Variants in ANO2 observed in about 807,000 individuals in gnomAD.
ANO2 encodes the protein anoctamin-2.
A neutral mutation model predicts 124.2 loss-of-function variants in ANO2; 101 were observed. The ratio of observed to expected loss-of-function variants is 0.81; its 90% confidence interval spans 0.69 to 0.96. The LOEUF (loss-of-function observed/expected upper bound fraction) is 0.96, where lower values mean the gene tolerates loss of function less well. ANO2 is among the 40% of genes least tolerant of loss of function. The probability of loss-of-function intolerance (pLI) is 0.00; values close to 1 mark genes in which losing one functional copy is unlikely to be tolerated. For missense variants in ANO2, 1,293 were observed against 1,274.5 expected (o/e 1.01, Z -0.22); for synonymous variants, 486 against 482.5 (o/e 1.01, Z -0.09).
intron 20 of ANO2, among the ~76,000 whole-genome samples, chr12:5,596,730 A>T (rs1333726940): frequency 6.6e-6 from 1 of 152,128 alleles, no homozygotes; most frequent in African/African-American, 2.4e-5. Context: ...CATGGCCCTG[A>T]CAAAGTAGAG....
At position 5,665,791 on chromosome 12, in the gene ANO2, G is replaced by T. The variant is rs112552877; in HGVS notation, c.1546-17990C>A. Among the ~76,000 whole-genome samples the T allele has an allele frequency of 3.9e-3, 582 of 151,052 alleles. 5 individuals carry two copies. Among genetic ancestry groups the T allele is most frequent in the African/African-American group, 0.014 (561 of 41,026 alleles). On this transcript the variant is annotated intron_variant, in intron 14 of 24. Coordinates refer to ENST00000682330, the MANE Select transcript of ANO2 (RefSeq NM_001364791.2). ...CCCTGACTCACTGCATGGTTGGGGA[G>T]TGACGGCCAGGGAATCCACAGCCTC... is the stretch of plus-strand genomic sequence containing the variant.
At chr12:5,754,661 C>A (rs1160015111) in intron 10 of ANO2, among the ~76,000 whole-genome samples, 3 of 152,086 alleles carry the variant, frequency 2.0e-5, no homozygotes, top group Admixed American at 1.3e-4. Flanking sequence ...ATCCTTGATT[C>A]AATCTTGTTG....
intron 14 of ANO2, among the ~76,000 whole-genome samples, chr12:5,686,293 A>G (rs1056651310): frequency 1.3e-5 from 2 of 152,054 alleles, no homozygotes; most frequent in African/African-American, 2.4e-5. Context: ...TTTAACCCCT[A>G]TTTTCTGTGG....
chr12:5,696,345 T>C (rs962984749), intron 14 of ANO2, among the ~76,000 whole-genome samples: 1 of 152,186 alleles, frequency 6.6e-6, no homozygotes, highest in African/African-American at 2.4e-5. Flanking sequence ...GATGTAGCAA[T>C]TCTTCAAAAG....
intron 10 of ANO2, among the ~76,000 whole-genome samples, chr12:5,789,350 T>C (rs1245777452): frequency 2.0e-5 from 3 of 152,226 alleles, no homozygotes; most frequent in Admixed American, 6.5e-5. Flanking sequence ...AATCATACCA[T>C]TGCCCTCATC....
At chr12:5,826,814 C>T (rs1953971693) in intron 7 of ANO2, among the ~76,000 whole-genome samples, 1 of 152,136 alleles carries the variant, frequency 6.6e-6, no homozygotes, top group Non-Finnish European at 1.5e-5. Context: ...TAGCTAACAT[C>T]ATCATTATCA....
intron 4 of ANO2, among the ~76,000 whole-genome samples, chr12:5,836,088 C>T (rs879633236): frequency 6.6e-6 from 1 of 152,106 alleles, no homozygotes; most frequent in East Asian, 1.9e-4. Flanking sequence ...AGGACTATTC[C>T]TTTTCTGTCC....
intron 3 of ANO2, among the ~76,000 whole-genome samples, chr12:5,913,562 A>G (rs1423393650): frequency 6.6e-6 from 1 of 152,154 alleles, no homozygotes; most frequent in East Asian, 1.9e-4. Flanking sequence ...AGGAAGAGAA[A>G]ACTACTATAA....
intron 3 of ANO2, among the ~76,000 whole-genome samples, chr12:5,876,950 C>T (rs764637854): frequency 6.6e-6 from 1 of 152,168 alleles, no homozygotes; most frequent in Non-Finnish European, 1.5e-5. Context: ...AGATTCTGCA[C>T]ATGTATCCCA....
intron 3 of ANO2, chr12:5,870,392 T>G (rs1591720195): frequency 6.6e-6 from 1 of 152,240 alleles, no homozygotes; most frequent in Non-Finnish European, 1.5e-5. Context: ...TTTGGCACCT[T>G]GGCAACGTCA....
chr12:5,583,351 G>A (rs1942864726), intron 20 of ANO2, among the ~76,000 whole-genome samples: 1 of 152,130 alleles, frequency 6.6e-6, no homozygotes, highest in Non-Finnish European at 1.5e-5. Flanking sequence ...AATGATTATA[G>A]CTTTTAAAAA....
At position 5,806,112 on chromosome 12, in the gene ANO2, G is replaced by A. The variant is rs1272233593; in HGVS notation, c.949-19C>T. On this transcript the variant is annotated intron_variant, in intron 8 of 24. Transcript: ENST00000682330. ...ATTCACCCTGTGGAGAAAAAGTGAT[G>A]CTGGATAAAGCCAATGAAATTACCA... is the stretch of plus-strand genomic sequence containing the variant. The A allele has an allele frequency of 2.5e-6, 4 of 1,609,926 alleles. No homozygotes were observed. Among genetic ancestry groups the A allele is most frequent in the Non-Finnish European group, 3.4e-6 (4 of 1,178,248 alleles).
intron 3 of ANO2, among the ~76,000 whole-genome samples, chr12:5,889,944 T>C (rs1185267367): frequency 6.6e-6 from 1 of 152,010 alleles, no homozygotes; most frequent in African/African-American, 2.4e-5. Context: ...GGAAAGACAA[T>C]CAGAGGCAAT....
At chr12:5,732,166 G>A (rs994357331) in intron 14 of ANO2, among the ~76,000 whole-genome samples, 9 of 152,168 alleles carry the variant, frequency 5.9e-5, no homozygotes, top group Non-Finnish European at 1.3e-4. Context: ...TAGAGCAAGC[G>A]TTCGATAAGG....
At chr12:5,874,800 G>C (rs573819140) in intron 3 of ANO2, among the ~76,000 whole-genome samples, 2 of 152,052 alleles carry the variant, frequency 1.3e-5, no homozygotes, top group Non-Finnish European at 2.9e-5. Flanking sequence ...TTTTTATTTG[G>C]AACTCTTACC....
At chr12:5,737,597 C>A (rs1950925827) in intron 13 of ANO2, among the ~76,000 whole-genome samples, 1 of 152,268 alleles carries the variant, frequency 6.6e-6, no homozygotes, top group East Asian at 1.9e-4. Flanking sequence ...GGCCAAAATG[C>A]ATCTTCTTCT....
intron 4 of ANO2, among the ~76,000 whole-genome samples, chr12:5,849,026 A>G (rs1320499212): frequency 6.6e-6 from 1 of 152,188 alleles, no homozygotes; most frequent in Non-Finnish European, 1.5e-5. Flanking sequence ...TGGAGCTCTG[A>G]GCCTGCTTTC....
At chr12:5,775,782 A>G (rs1179166186) in intron 10 of ANO2, among the ~76,000 whole-genome samples, 2 of 152,122 alleles carry the variant, frequency 1.3e-5, no homozygotes, top group South Asian at 2.1e-4. Flanking sequence ...TAATTTCTCC[A>G]TGATAGACCT....
chr12:5,822,290 G>C (rs1302007105), intron 7 of ANO2, among the ~76,000 whole-genome samples: 1 of 152,240 alleles, frequency 6.6e-6, no homozygotes, highest in East Asian at 1.9e-4. Context: ...ATCTGGGGAA[G>C]AGGTATGTAG....
Sources: allele counts gnomAD v4.1 joint callset (sites outside exome capture counted in the v4.1 genomes callset), GRCh38; gene constraint gnomAD v4.1.1; transcripts MANE v1.5; gene names NCBI Gene and HGNC (gene_info 2026-07-23, HGNC 2026-07-21).